The following OPN3 variants were observed in gnomAD, a reference collection of about 807,000 sequenced individuals.
OPN3 encodes the protein opsin 3, also known as opsin-3.
In OPN3, 29 loss-of-function variants were observed where a neutral mutation model predicts 33.8. That is an observed-to-expected ratio of 0.86 (90% CI 0.64 to 1.17). The LOEUF (loss-of-function observed/expected upper bound fraction) is 1.17. Ranked by LOEUF, OPN3 falls within the 50% of genes most tolerant of loss-of-function variation. The pLI, the probability that OPN3 is intolerant of heterozygous loss-of-function variation, is 0.00. For synonymous variants in OPN3, 216 were observed against 216.1 expected (o/e 1.00, Z 0.00); for missense variants, 437 against 514.1 (o/e 0.85, Z 1.45).
intron 1 of OPN3, chr1:241,615,745 G>A: frequency 4.7e-6 from 2 of 424,462 alleles, no homozygotes. Context: ...CCACTCACAA[G>A]CTCCTACTCC....
chr1:241,594,753 A>G lies in OPN3; in HGVS notation c.946-62T>C. ...AAGTTGGGCACTAATCTGGATTAAC[A>G]TTCGAGGAAATCAGTTGAGCTGAAT... On this transcript the variant is annotated intron_variant, in intron 3 of 3. Coordinates refer to ENST00000366554, the MANE Select transcript of OPN3 (RefSeq NM_014322.3). The G allele has an allele frequency of 1.7e-5, 26 of 1,554,186 alleles. No individual in the cohort carries two copies. The South Asian group carries it at 2.6e-4, about 15-fold the overall frequency.
chr1:241,606,314 C>T (rs185666588), intron 1 of OPN3, among the ~76,000 whole-genome samples: 68 of 152,156 alleles, frequency 4.5e-4, no homozygotes, highest in Admixed American at 1.5e-3. Flanking sequence ...GAGGCCGAGG[C>T]GGGTGGATCA....
intron 1 of OPN3, among the ~76,000 whole-genome samples, chr1:241,606,575 A>AAATAAATC (rs1470682395): frequency 2.7e-5 from 4 of 150,282 alleles, no homozygotes; most frequent in Non-Finnish European, 4.4e-5. Context: ...ATAAATAAAT[A>AAATAAATC]AATAAATAAA....
intron 1 of OPN3, among the ~76,000 whole-genome samples, chr1:241,625,257 G>C (rs1404525858): frequency 6.6e-6 from 1 of 152,216 alleles, no homozygotes; most frequent in Non-Finnish European, 1.5e-5. Context: ...CCACCAGTGA[G>C]TGCAAATGTG....
chr1:241,613,161 TTTAA>T (rs1201304963), intron 1 of OPN3, among the ~76,000 whole-genome samples: 1 of 152,240 alleles, frequency 6.6e-6, no homozygotes, highest in Admixed American at 6.5e-5. Flanking sequence ...CTCCTTTTTA[TTTAA>T]TTAACAATAG....
chr1:241,620,883 A>G lies in OPN3; in HGVS notation c.374-16304T>C, dbSNP rs375993545. On this transcript the variant is annotated intron_variant, in intron 1 of 3. Coordinates refer to ENST00000366554, the MANE Select transcript of OPN3 (RefSeq NM_014322.3). ...GCATGACCCTAGAGAAACTCTGTGC[A>G]TATTGGGCAGGAAGAAATGTTATAA... Among the ~76,000 whole-genome samples, 16 of 152,322 alleles carry G rather than the reference A, an allele frequency of 1.1e-4. No homozygotes were observed. In the East Asian group the frequency reaches 1.5e-3, roughly 15 times the overall value.
chr1:241,608,912 C>G (rs1397486645), intron 1 of OPN3, among the ~76,000 whole-genome samples: 1 of 152,174 alleles, frequency 6.6e-6, no homozygotes, highest in Non-Finnish European at 1.5e-5. Flanking sequence ...CTGAAATGAT[C>G]TAATCTACAT....
intron 1 of OPN3, chr1:241,629,355 T>C (rs1664526528): frequency 6.6e-6 from 1 of 152,186 alleles, no homozygotes; most frequent in Non-Finnish European, 1.5e-5. Context: ...TAAGGACACA[T>C]GCAATTAAAA....
At chr1:241,628,601 G>A (rs1001464125) in intron 1 of OPN3, among the ~76,000 whole-genome samples, 3 of 152,092 alleles carry the variant, frequency 2.0e-5, no homozygotes, top group Non-Finnish European at 2.9e-5. Flanking sequence ...ATTAGTATAT[G>A]ACGTCTTCAT....
Position 241,639,883 on chromosome 1 carries a change from G to A in OPN3, c.372C>T (p.Phe124=), listed in dbSNP as rs774179239. The A allele has an allele frequency of 6.4e-7, 1 of 1,569,466 alleles. No individual in the cohort carries two copies. Among genetic ancestry groups the A allele is most frequent in the African/African-American group, 1.4e-5 (1 of 72,910 alleles). ...CVWDGFSGSL[F]GIVSIATLTV... is the part of the protein sequence containing the mutation. Reference sequence around the variant, plus strand: ...CTGCCTTCTCCCAGTCCAACTCACCGAAGAGGCTGCCGCTAAACCCGTCCC... The same window carrying A: ...CTGCCTTCTCCCAGTCCAACTCACCAAAGAGGCTGCCGCTAAACCCGTCCC... Residue 124 remains phenylalanine (F), a splice_region_variant and synonymous_variant, in exon 1 of 4, where the codon TTC becomes TTT. Transcript: ENST00000366554.
intron 1 of OPN3, among the ~76,000 whole-genome samples, chr1:241,615,370 G>T (rs559389458): frequency 6.6e-6 from 1 of 152,020 alleles, no homozygotes; most frequent in Admixed American, 6.6e-5. Context: ...AAATTATTTC[G>T]TGAACACAGC....
intron 2 of OPN3, among the ~76,000 whole-genome samples, chr1:241,602,249 T>C (rs1663697093): frequency 6.6e-6 from 1 of 152,148 alleles, no homozygotes; most frequent in African/African-American, 2.4e-5. Flanking sequence ...CTAGAATCGA[T>C]GGCAGGAGAC....
intron 1 of OPN3, chr1:241,633,653 T>A: frequency 1.2e-6 from 1 of 815,512 alleles, no homozygotes; most frequent in Non-Finnish European, 1.9e-6. Flanking sequence ...CAATGCTGAA[T>A]GTCTGAGAGT....
At chr1:241,626,320 T>C (rs1327075274) in intron 1 of OPN3, among the ~76,000 whole-genome samples, 2 of 152,148 alleles carry the variant, frequency 1.3e-5, no homozygotes, top group African/African-American at 4.8e-5. Context: ...ACCTGTGAAA[T>C]GTAAGCAATT....
chr1:241,601,979 A>C (rs1017927430), intron 2 of OPN3, among the ~76,000 whole-genome samples: 1 of 152,206 alleles, frequency 6.6e-6, no homozygotes, highest in African/African-American at 2.4e-5. Flanking sequence ...GGACCATCCA[A>C]GTGGAGGTGT....
intron 2 of OPN3, among the ~76,000 whole-genome samples, chr1:241,603,949 C>T (rs1256641882): frequency 6.6e-6 from 1 of 152,140 alleles, no homozygotes; most frequent in Non-Finnish European, 1.5e-5. Flanking sequence ...GTGGAGTTCC[C>T]TCTTTTAAAT....
At chr1:241,610,070 G>A (rs748415109) in intron 1 of OPN3, among the ~76,000 whole-genome samples, 6 of 152,182 alleles carry the variant, frequency 3.9e-5, no homozygotes, top group Non-Finnish European at 7.3e-5. Context: ...CATTGGAAAG[G>A]GCTTATGTAC....
intron 2 of OPN3, among the ~76,000 whole-genome samples, chr1:241,602,677 G>A (rs1663707910): frequency 6.6e-6 from 1 of 152,032 alleles, no homozygotes; most frequent in Non-Finnish European, 1.5e-5. Context: ...GAGAGAAAGA[G>A]CAAGCTTTCT....
Position 241,640,175 on chromosome 1 carries a change from G to T in OPN3, c.80C>A (p.Ala27Glu), listed in dbSNP as rs779906110. 1 of 1,411,026 alleles carries T rather than the reference G, an allele frequency of 7.1e-7. No individual in the cohort carries two copies. The highest frequency in any genetic ancestry group is 1.6e-5 in the South Asian group (1 of 63,248). The allele number at this position is 1,411,026 out of a possible 1,614,324, so 87.4% of individuals were successfully genotyped here. ...GAAGAEGPAP[A>E]GTLSPAPLFS... ...GAGGGGCGCGGGGCTCAGTGTCCCCGCCGGCGCCGGCCCCTCAGCGCCCGC... is the reference window on the plus strand; with the variant it reads ...GAGGGGCGCGGGGCTCAGTGTCCCCTCCGGCGCCGGCCCCTCAGCGCCCGC... The change falls in exon 1 of 4, where the codon GCG becomes GAG. Residue 27 changes from alanine to glutamate, a missense_variant. Ala to Glu is a moderately radical substitution (Grantham distance 107). Coordinates refer to ENST00000366554, the MANE Select transcript of OPN3 (RefSeq NM_014322.3).
Sources: allele counts gnomAD v4.1 joint callset (sites outside exome capture counted in the v4.1 genomes callset), GRCh38; gene constraint gnomAD v4.1.1; transcripts MANE v1.5; gene names NCBI Gene and HGNC (gene_info 2026-07-23, HGNC 2026-07-21).